ATP6V1D: variants seen among roughly 807,000 people sequenced by gnomAD.
The protein encoded by ATP6V1D is V-type proton ATPase subunit D.
In ATP6V1D, 20 loss-of-function variants were observed where a neutral mutation model predicts 39.4. The observed-to-expected ratio is 0.51, with a 90% CI of 0.36 to 0.74. The LOEUF (loss-of-function observed/expected upper bound fraction) is 0.74. Ranked by LOEUF, ATP6V1D falls within the 30% of genes least tolerant of loss-of-function variation. The pLI, the probability that ATP6V1D is intolerant of heterozygous loss-of-function variation, is 0.00. For synonymous variants in ATP6V1D, 100 were observed against 100.5 expected (o/e 0.99, Z 0.03); for missense variants, 228 against 291.6 (o/e 0.78, Z 1.59).
intron 8 of ATP6V1D, among the ~76,000 whole-genome samples, chr14:67,339,480 C>T (rs1434559825): frequency 6.6e-6 from 1 of 152,078 alleles, no homozygotes; most frequent in Non-Finnish European, 1.5e-5. Flanking sequence ...CTAAGACCCC[C>T]CATGCCTTTC....
intron 1 of ATP6V1D, among the ~76,000 whole-genome samples, chr14:67,356,774 T>C (rs13379368): frequency 0.15 from 23,548 of 152,094 alleles, 3,446 homozygotes; most frequent in East Asian, 0.42. Flanking sequence ...CACTGACTGG[T>C]CTCACAAGAG....
At chr14:67,356,434 CA>C (rs11323157) in intron 1 of ATP6V1D, among the ~76,000 whole-genome samples, 42,299 of 129,574 alleles carry the variant, frequency 0.33, 9,458 homozygotes, top group African/African-American at 0.63. Flanking sequence ...AAAACAAAAA[CA>C]AAAAAAAAAA....
chr14:67,354,986 T>C (rs1166016087), intron 1 of ATP6V1D, among the ~76,000 whole-genome samples: 4 of 151,980 alleles, frequency 2.6e-5, no homozygotes, highest in East Asian at 1.9e-4. Flanking sequence ...GCTAATTTTT[T>C]ATTTTTAGTA....
Position 67,340,439 on chromosome 14 carries a change from C to T in ATP6V1D, c.602+1G>A. 6.2e-7 allele frequency: 1 copy of T among 1,613,032 alleles called. No individual in the cohort carries two copies. Among genetic ancestry groups the T allele is most frequent in the Non-Finnish European group, 8.5e-7 (1 of 1,179,222 alleles). On this transcript the variant is annotated splice_donor_variant, in intron 8 of 8. Coordinates refer to ENST00000216442, the MANE Select transcript of ATP6V1D (RefSeq NM_015994.4). LOFTEE classifies it high-confidence loss of function. ...ATCAATAACTGCCAATTTCAACAAA[C>T]CTATAGAACTCTTCTCGCTCTCTCT...
chr14:67,340,538 A>T lies in ATP6V1D; in HGVS notation c.524-20T>A, dbSNP rs1555343314. 8 of 1,586,908 alleles carry T rather than the reference A, an allele frequency of 5.0e-6. No individual in the cohort carries two copies. The South Asian group carries it at 8.9e-5, about 18-fold the overall frequency. ...TGATGACTAGAATAAAAAAAAAAATAATATGTGTGAGAACTTCAAACCCCT... is the reference window on the plus strand; with the variant it reads ...TGATGACTAGAATAAAAAAAAAAATTATATGTGTGAGAACTTCAAACCCCT... On this transcript the variant is annotated intron_variant, in intron 7 of 8. Coordinates refer to ENST00000216442, the MANE Select transcript of ATP6V1D (RefSeq NM_015994.4).
At position 67,338,992 on chromosome 14, in the gene ATP6V1D, CTT is replaced by C. The variant is rs772977015; in HGVS notation, c.603-232_603-231del. The stretch of plus-strand genomic sequence containing the variant: ...AACTGATTTAACCTGAGACAGAAGC[CTT>C]TTTTTTTTTTTTTTTTTGAGATGGA... On this transcript the variant is annotated intron_variant, in intron 8 of 8. Transcript: ENST00000216442. 1.5e-3 allele frequency among the ~76,000 whole-genome samples: 193 copies of C among 131,110 alleles called. 1 individual carries two copies. The highest frequency in any genetic ancestry group is 4.7e-3 in the African/African-American group (169 of 35,594). The allele number at this position is 131,110 out of a possible 152,430, so 86.0% of individuals were successfully genotyped here. A position where few individuals can be genotyped will look rare whatever the true frequency, so the allele number is the denominator to read the frequency against.
chr14:67,352,150 G>A (rs888718118), intron 2 of ATP6V1D, among the ~76,000 whole-genome samples: 3 of 151,884 alleles, frequency 2.0e-5, no homozygotes, highest in Admixed American at 6.6e-5. Flanking sequence ...AATAAAAACA[G>A]CACTCATAGA....
intron 8 of ATP6V1D, among the ~76,000 whole-genome samples, chr14:67,339,896 T>C (rs2085566658): frequency 6.6e-6 from 1 of 152,050 alleles, no homozygotes; most frequent in South Asian, 2.1e-4. Flanking sequence ...GTCAGGAGTT[T>C]TGAGACCAGC....
At chr14:67,339,891 G>T (rs1054380175) in intron 8 of ATP6V1D, among the ~76,000 whole-genome samples, 13 of 152,124 alleles carry the variant, frequency 8.5e-5, no homozygotes, top group Admixed American at 8.5e-4. Context: ...TTGAGGTCAG[G>T]AGTTTTGAGA....
chr14:67,357,183 C>T (rs894439398), intron 1 of ATP6V1D, among the ~76,000 whole-genome samples: 4 of 152,108 alleles, frequency 2.6e-5, no homozygotes, highest in South Asian at 2.1e-4. Flanking sequence ...TTCTCTGGTA[C>T]GAAAGTGGGT....
intron 7 of ATP6V1D, among the ~76,000 whole-genome samples, chr14:67,341,542 G>A (rs1485780631): frequency 1.3e-5 from 2 of 149,232 alleles, no homozygotes; most frequent in South Asian, 2.1e-4. Flanking sequence ...CTGGCCAGCC[G>A]CCCCGTCCGG....
At chr14:67,343,263 C>A in intron 7 of ATP6V1D, 109 bp downstream of exon 7, 2 of 760,542 alleles carry the variant, frequency 2.6e-6, no homozygotes, top group South Asian at 4.5e-5. Context: ...GCAAGGGAAG[C>A]ATCTTATTCA....
At chr14:67,350,973 T>G (rs930376414) in intron 2 of ATP6V1D, among the ~76,000 whole-genome samples, 2 of 152,220 alleles carry the variant, frequency 1.3e-5, no homozygotes, top group East Asian at 3.8e-4. Context: ...AATGGGTACA[T>G]GCTGATTTAC....
chr14:67,340,390 T>C (rs2085570617), intron 8 of ATP6V1D, 50 bp downstream of exon 8: 5 of 1,506,916 alleles, frequency 3.3e-6, no homozygotes, highest in South Asian at 1.1e-5. Flanking sequence ...AATACAGCCT[T>C]TGGAATATGG....
intron 4 of ATP6V1D, among the ~76,000 whole-genome samples, chr14:67,348,298 G>A (rs760178292): frequency 3.3e-5 from 5 of 151,992 alleles, no homozygotes; most frequent in African/African-American, 9.7e-5. Flanking sequence ...TCGAACTCCC[G>A]ACCTCAGGCG....
chr14:67,347,777 G>C (rs926346776), intron 4 of ATP6V1D, among the ~76,000 whole-genome samples: 1 of 152,082 alleles, frequency 6.6e-6, no homozygotes, highest in Non-Finnish European at 1.5e-5. Context: ...TGGGATTACA[G>C]GTATGAGCCA....
intron 1 of ATP6V1D, 149 bp from the exon 2 acceptor site, chr14:67,353,189 G>A: frequency 1.6e-6 from 1 of 617,838 alleles, no homozygotes; most frequent in Non-Finnish European, 2.8e-6. Context: ...AGGTTTAACT[G>A]ATGCTATGGT....
intron 8 of ATP6V1D, 109 bp downstream of exon 8, chr14:67,340,331 C>T: frequency 2.2e-6 from 2 of 897,720 alleles, no homozygotes; most frequent in South Asian, 1.5e-5. Flanking sequence ...CAGAATAAAA[C>T]ATAAGCTGTG....
chr14:67,350,066 TACATA>T (rs1388271534), intron 3 of ATP6V1D, among the ~76,000 whole-genome samples: 1 of 152,268 alleles, frequency 6.6e-6, no homozygotes, highest in African/African-American at 2.4e-5. Flanking sequence ...TTTGGAGAAT[TACATA>T]ACATATGTAA....
Sources: allele counts gnomAD v4.1 joint callset (sites outside exome capture counted in the v4.1 genomes callset), GRCh38; gene constraint gnomAD v4.1.1; transcripts MANE v1.5; gene names NCBI Gene and HGNC (gene_info 2026-07-23, HGNC 2026-07-21).